Variants in IGF1R observed in about 807,000 individuals in gnomAD.
The protein encoded by IGF1R is insulin-like growth factor 1 receptor.
In IGF1R, 44 loss-of-function variants were observed where a neutral mutation model predicts 144.6. The observed-to-expected ratio is 0.30, with a 90% confidence interval of 0.24 to 0.39. The LOEUF is 0.39. Ranked by LOEUF, IGF1R falls within the 10% of genes least tolerant of loss-of-function variation. The pLI, the probability that IGF1R is intolerant of heterozygous loss-of-function variation, is 1.00. For synonymous variants in IGF1R, 795 were observed against 722.8 expected (o/e 1.10, Z -1.60); for missense variants, 1,355 against 1,833.7 (o/e 0.74, Z 4.77).
At position 98,704,640 on chromosome 15, in the gene IGF1R, C is replaced by T. The variant is rs1261155374; in HGVS notation, c.95-2922C>T. ...TGTGTCCCATGTCATGTGTCCGCTGCACACCAAGTACTGTTTTAGGCACTG... is the reference window on the plus strand; with the variant it reads ...TGTGTCCCATGTCATGTGTCCGCTGTACACCAAGTACTGTTTTAGGCACTG... On this transcript the variant is annotated intron_variant, in intron 1 of 20. Transcript: ENST00000650285. The surrounding 1 kb of genome is among the most constrained non-coding windows in gnomAD (Gnocchi z 4.9). Among the ~76,000 whole-genome samples the T allele has an allele frequency of 6.6e-6, 1 of 152,176 alleles. No individual in the cohort carries two copies. The highest frequency in any genetic ancestry group is 1.5e-5 in the Non-Finnish European group (1 of 68,034).
intron 2 of IGF1R, among the ~76,000 whole-genome samples, chr15:98,812,964 C>G (rs369440061): frequency 2.6e-5 from 4 of 152,144 alleles, no homozygotes; most frequent in African/African-American, 9.7e-5. Flanking sequence ...TTAGGCTGTT[C>G]CAGTCTTCTA....
chr15:98,707,482 CCAA>C lies in IGF1R; in HGVS notation c.95-78_95-76del. 7.4e-7 allele frequency: 1 copy of C among 1,356,928 alleles called. No individual in the cohort carries two copies. Among genetic ancestry groups the C allele is most frequent in the Non-Finnish European group, 1.0e-6 (1 of 967,430 alleles). The allele number at this position is 1,356,928 out of a possible 1,614,324, so 84.1% of individuals were successfully genotyped here. On this transcript the variant is annotated intron_variant, in intron 1 of 20. Coordinates refer to ENST00000650285, the MANE Select transcript of IGF1R (RefSeq NM_000875.5). This position sits in a 1 kb window ranked among gnomAD's most constrained non-coding sequence, Gnocchi z 6.7. ...AATAATAATACAGGATTCCTGAAAA[CCAA>C]CTGTATTATTGTTTGGAAAATAGTT... is the stretch of plus-strand genomic sequence containing the variant.
At chr15:98,787,045 G>A (rs1259732791) in intron 2 of IGF1R, among the ~76,000 whole-genome samples, 7 of 152,166 alleles carry the variant, frequency 4.6e-5, no homozygotes, top group African/African-American at 7.2e-5. Flanking sequence ...CCACAAGAGC[G>A]CCCTGGTTCC....
At chr15:98,711,807 G>A (rs933962746) in intron 2 of IGF1R, among the ~76,000 whole-genome samples, 1 of 152,144 alleles carries the variant, frequency 6.6e-6, no homozygotes, top group African/African-American at 2.4e-5. Context: ...CCCATACCCT[G>A]AGTGGCTTAC....
chr15:98,883,536 T>G (rs933789812), intron 2 of IGF1R, among the ~76,000 whole-genome samples: 1 of 152,216 alleles, frequency 6.6e-6, no homozygotes, highest in Non-Finnish European at 1.5e-5. Flanking sequence ...AAGCCTGTGC[T>G]CACCGTCACT....
chr15:98,945,467 TAGAA>T (rs1370697934), intron 19 of IGF1R, among the ~76,000 whole-genome samples: 2 of 152,208 alleles, frequency 1.3e-5, no homozygotes, highest in African/African-American at 4.8e-5. Context: ...GGTTCCTAAT[TAGAA>T]AGGGCTTTAC....
chr15:98,696,998 A>G (rs1010421647), intron 1 of IGF1R, among the ~76,000 whole-genome samples: 7 of 152,162 alleles, frequency 4.6e-5, no homozygotes, highest in Admixed American at 3.3e-4. Flanking sequence ...CGTGCAGTGG[A>G]AAAAGTACTC....
Position 98,960,133 on chromosome 15 carries a change from T to C in IGF1R, c.*2691T>C, listed in dbSNP as rs367623672. The stretch of plus-strand genomic sequence containing the variant: ...TCTCACCTTTCTCAGCACCTGACAA[T>C]AGGCCGTTGATACTGGTAACCTCAT... On this transcript the variant is annotated 3_prime_UTR_variant, in exon 21 of 21. Coordinates refer to ENST00000650285, the MANE Select transcript of IGF1R (RefSeq NM_000875.5). The C allele has an allele frequency of 8.6e-6, 2 of 233,602 alleles. No homozygotes were observed. The highest frequency in any genetic ancestry group is 1.2e-4 in the East Asian group (2 of 16,588). The allele number at this position is 233,602 out of a possible 1,614,324, so 14.5% of individuals were successfully genotyped here. A position where few individuals can be genotyped will look rare whatever the true frequency, so the allele number is the denominator to read the frequency against.
intron 2 of IGF1R, among the ~76,000 whole-genome samples, chr15:98,813,367 C>G (rs1947538094): frequency 6.6e-6 from 1 of 152,174 alleles, no homozygotes; most frequent in African/African-American, 2.4e-5. Context: ...ACCTTAATCA[C>G]CCTAGGGCCA....
At position 98,961,270 on chromosome 15, in the gene IGF1R, G is replaced by A. The variant is rs571137375; in HGVS notation, c.*3828G>A. The A allele has an allele frequency of 6.4e-5, 15 of 233,644 alleles. No individual in the cohort carries two copies. In the South Asian group the frequency reaches 2.7e-3, roughly 42 times the overall value. The allele number at this position is 233,644 out of a possible 1,614,324, so 14.5% of individuals were successfully genotyped here. A position where few individuals can be genotyped will look rare whatever the true frequency, so the allele number is the denominator to read the frequency against. ...CAACTGGATTTCTACAGATCATTCA[G>A]CTGGTTATAAGGGTTTTGTTTAAAC... On this transcript the variant is annotated 3_prime_UTR_variant, in exon 21 of 21. Transcript: ENST00000650285.
At chr15:98,808,618 T>TAGTC (rs1319919432) in intron 2 of IGF1R, among the ~76,000 whole-genome samples, 2 of 152,094 alleles carry the variant, frequency 1.3e-5, no homozygotes, top group African/African-American at 4.8e-5. Context: ...GAGGTGCCTA[T>TAGTC]AGTCGTGTGG....
At chr15:98,652,671 A>G (rs557379158) in intron 1 of IGF1R, among the ~76,000 whole-genome samples, 8 of 152,084 alleles carry the variant, frequency 5.3e-5, no homozygotes, top group Non-Finnish European at 8.8e-5. Context: ...AAGACCACAT[A>G]TCGTATGATC....
At chr15:98,655,655 AT>A (rs1269783500) in intron 1 of IGF1R, among the ~76,000 whole-genome samples, 11 of 151,966 alleles carry the variant, frequency 7.2e-5, no homozygotes, top group South Asian at 2.1e-4. Flanking sequence ...AAAAAAAAAA[AT>A]AAAACGAAAC....
At position 98,916,885 on chromosome 15, in the gene IGF1R, C is replaced by A; in HGVS notation, c.2201+9C>A. Reference sequence around the variant, plus strand: ...TCCATCTTCGTGCCCAGGTACCCAGCTCATGTGAAATTTCAGTTGGCAAAA... The same window carrying A: ...TCCATCTTCGTGCCCAGGTACCCAGATCATGTGAAATTTCAGTTGGCAAAA... On this transcript the variant is annotated intron_variant, in intron 10 of 20. Coordinates refer to ENST00000650285, the MANE Select transcript of IGF1R (RefSeq NM_000875.5). 2 of 1,613,510 alleles carry A rather than the reference C, an allele frequency of 1.2e-6. No individual in the cohort carries two copies. Among genetic ancestry groups the A allele is most frequent in the Non-Finnish European group, 1.7e-6 (2 of 1,179,472 alleles).
chr15:98,712,532 C>G (rs143718834), intron 2 of IGF1R, among the ~76,000 whole-genome samples: 17 of 152,118 alleles, frequency 1.1e-4, no homozygotes, highest in African/African-American at 3.6e-4. Context: ...TGCTCCTCCC[C>G]CTTACAGCAG....
intron 2 of IGF1R, among the ~76,000 whole-genome samples, chr15:98,747,761 A>G (rs2054905558): frequency 6.6e-6 from 1 of 152,206 alleles, no homozygotes; most frequent in Non-Finnish European, 1.5e-5. Flanking sequence ...GTTCTGCTGT[A>G]TTTCTCAAGA....
At chr15:98,873,347 A>G (rs1256281995) in intron 2 of IGF1R, among the ~76,000 whole-genome samples, 1 of 152,178 alleles carries the variant, frequency 6.6e-6, no homozygotes, top group Non-Finnish European at 1.5e-5. Flanking sequence ...ATAGATTTGT[A>G]TTTTTGATGG....
At chr15:98,912,061 C>T (rs1214971717) in intron 7 of IGF1R, among the ~76,000 whole-genome samples, 1 of 152,218 alleles carries the variant, frequency 6.6e-6, no homozygotes, top group Non-Finnish European at 1.5e-5. Flanking sequence ...GCAGCCGAGG[C>T]TTATTCCTCC....
chr15:98,794,755 G>C (rs1157524915), intron 2 of IGF1R, among the ~76,000 whole-genome samples: 1 of 152,192 alleles, frequency 6.6e-6, no homozygotes, highest in Non-Finnish European at 1.5e-5. Flanking sequence ...TTCATCTACA[G>C]TAGTTTGGGA....
Sources: gnomAD v4.1 joint callset for allele counts (sites outside exome capture counted in the v4.1 genomes callset) on GRCh38, gnomAD v4.1.1 for gene constraint, Gnocchi (gnomAD v3.1) non-coding constraint, MANE v1.5 for transcripts, NCBI Gene and HGNC (gene_info 2026-07-23, HGNC 2026-07-21) for gene names.